The following NHS variants were observed in gnomAD, a reference collection of about 807,000 sequenced individuals.
NHS encodes NHS actin remodeling regulator.
Under a neutral mutation model 72.5 loss-of-function variants are expected in NHS, and 5 were observed. The observed-to-expected ratio is 0.07, with a 90% CI of 0.04 to 0.14. NHS has a LOEUF of 0.14. Ranked by LOEUF, NHS falls within the 10% of genes least tolerant of loss-of-function variation. The probability of loss-of-function intolerance (pLI) is 1.00; values close to 1 mark genes in which losing one functional copy is unlikely to be tolerated. For missense variants in NHS, 1,072 were observed against 1,355.7 expected (o/e 0.79, Z 3.29); for synonymous variants, 464 against 547.7 (o/e 0.85, Z 2.13).
chrX:17,480,782 T>G, intron 1 of NHS, among the ~76,000 whole-genome samples: 1 of 112,157 alleles, frequency 8.9e-6, no homozygotes, highest in South Asian at 3.7e-4. Flanking sequence ...AGAAAAAAGA[T>G]AATGCATACC....
rs2065429538 is a variant in NHS at position 17,564,134 on chromosome X, C to T, written c.566-123608C>T. 2.7e-5 allele frequency among the ~76,000 whole-genome samples: 3 copies of T among 111,969 alleles called. No homozygotes were observed. In the Admixed American group the frequency reaches 2.8e-4, roughly 11 times the overall value. Reference sequence around the variant, plus strand: ...TAATGAATACAATTTTAGAAGTAGACAGACCCGAAACAGCAATTGTGCTGT... The same window carrying T: ...TAATGAATACAATTTTAGAAGTAGATAGACCCGAAACAGCAATTGTGCTGT... On this transcript the variant is annotated intron_variant, in intron 1 of 8. Transcript: ENST00000676302.
rs943631379 is a variant in NHS at position 17,660,736 on chromosome X, G to A, written c.566-27006G>A. The stretch of plus-strand genomic sequence containing the variant: ...AGGGTGCAAAGGCAGGAGCTTCCAG[G>A]TTTTCTTAGGTTGGGCCTGTGTCTT... On this transcript the variant is annotated intron_variant, in intron 1 of 8. Transcript: ENST00000676302. Among the ~76,000 whole-genome samples the A allele has an allele frequency of 4.5e-5, 5 of 112,120 alleles. No homozygotes were observed. In the East Asian group the frequency reaches 1.4e-3, roughly 32 times the overall value.
chrX:17,632,388 T>G (rs185167573), intron 1 of NHS, among the ~76,000 whole-genome samples: 61 of 110,718 alleles, frequency 5.5e-4, no homozygotes, highest in Admixed American at 5.3e-3. Context: ...CAGTTTTTTT[T>G]TTTTAGAAAA....
chrX:17,442,395 T>A (rs962287389), intron 1 of NHS, among the ~76,000 whole-genome samples: 1 of 111,505 alleles, frequency 9.0e-6, no homozygotes, highest in Non-Finnish European at 1.9e-5. Flanking sequence ...ATTTGGCAGG[T>A]TTTTATGGGT....
At chrX:17,682,084 T>C (rs751695600) in intron 1 of NHS, among the ~76,000 whole-genome samples, 12 of 110,652 alleles carry the variant, frequency 1.1e-4, no homozygotes, top group South Asian at 3.9e-4. Context: ...CCTTGTACTT[T>C]ACCCTGTTCC....
Position 17,500,956 on chromosome X carries a change from A to G in NHS, c.565+124634A>G, listed in dbSNP as rs751583686. ...AATAGTGTTGTGTAAATTGCCTGTC[A>G]TTGTAAATACTCAATAAGTGACATC... On this transcript the variant is annotated intron_variant, in intron 1 of 8. Coordinates refer to ENST00000676302, the MANE Select transcript of NHS (RefSeq NM_001291867.2). Among the ~76,000 whole-genome samples, 37 of 110,107 alleles carry G rather than the reference A, an allele frequency of 3.4e-4. 1 individual carries two copies. The highest frequency in any genetic ancestry group is 1.2e-3 in the African/African-American group (35 of 30,238).
chrX:17,595,990 C>T (rs2065622563), intron 1 of NHS, among the ~76,000 whole-genome samples: 1 of 110,770 alleles, frequency 9.0e-6, no homozygotes, highest in East Asian at 2.8e-4. Context: ...ATGTTCAGAG[C>T]CCTGGGCTGG....
chrX:17,407,029 C>T, intron 1 of NHS, among the ~76,000 whole-genome samples: 1 of 111,576 alleles, frequency 9.0e-6, no homozygotes, highest in Admixed American at 9.5e-5. Flanking sequence ...AATTCCCAAA[C>T]CTTCCATCCT....
At position 17,448,595 on chromosome X, in the gene NHS, T is replaced by C. The variant is rs138451839; in HGVS notation, c.565+72273T>C. On this transcript the variant is annotated intron_variant, in intron 1 of 8. Transcript: ENST00000676302. ...GGTGTGCACTCAGGGAGGGAGACATTTGAGTTCTCCAGACCTACTTAAGGC... is the reference window on the plus strand; with the variant it reads ...GGTGTGCACTCAGGGAGGGAGACATCTGAGTTCTCCAGACCTACTTAAGGC... 1.4e-3 allele frequency among the ~76,000 whole-genome samples: 152 copies of C among 111,690 alleles called. 1 individual carries two copies. The highest frequency in any genetic ancestry group is 4.6e-3 in the African/African-American group (143 of 30,766).
At chrX:17,662,636 C>T (rs772451698) in intron 1 of NHS, among the ~76,000 whole-genome samples, 1 of 111,979 alleles carries the variant, frequency 8.9e-6, no homozygotes, top group South Asian at 3.8e-4. Flanking sequence ...GGTGGTTCAG[C>T]GCTCTTATCT....
intron 1 of NHS, among the ~76,000 whole-genome samples, chrX:17,482,741 A>T (rs1180381924): frequency 8.9e-6 from 1 of 112,161 alleles, no homozygotes; most frequent in African/African-American, 3.2e-5. Context: ...CATAGTTAGG[A>T]TTTCTGGTGG....
intron 1 of NHS, among the ~76,000 whole-genome samples, chrX:17,672,379 C>T (rs1384102869): frequency 8.9e-6 from 1 of 112,257 alleles, no homozygotes; most frequent in Non-Finnish European, 1.9e-5. Context: ...TTCAATGGGC[C>T]AGGCTGGAAG....
Position 17,723,726 on chromosome X carries a change from G to GGTGTGTGTGTGTGTGTGTGT in NHS, c.1109-547_1109-528dup, listed in dbSNP as rs3222310. On this transcript the variant is annotated intron_variant, in intron 5 of 8. Coordinates refer to ENST00000676302, the MANE Select transcript of NHS (RefSeq NM_001291867.2). ...TGTTGAGTTTCCTCACAGCAAAAGAGGTGTGTGTGTGTGTGTGTGTGTGTG... is the reference window on the plus strand; with the variant it reads ...TGTTGAGTTTCCTCACAGCAAAAGAGGTGTGTGTGTGTGTGTGTGTGTGTGTGTGTGTGTGTGTGTGTGTG... Among the ~76,000 whole-genome samples the GGTGTGTGTGTGTGTGTGTGT allele has an allele frequency of 1.0e-3, 74 of 71,069 alleles. 1 individual carries two copies. The highest frequency in any genetic ancestry group is 4.1e-3 in the East Asian group (8 of 1,968). The allele number at this position is 71,069 out of a possible 115,157, so 61.7% of individuals were successfully genotyped here.
chrX:17,733,692 T>C lies in NHS; in HGVS notation c.*1228T>C, dbSNP rs1445117306. 3 of 112,303 alleles carry C rather than the reference T, an allele frequency of 2.7e-5. No individual in the cohort carries two copies. Among genetic ancestry groups the C allele is most frequent in the Non-Finnish European group, 5.6e-5 (3 of 53,218 alleles). The allele number at this position is 112,303 out of a possible 1,213,427, so 9.3% of individuals were successfully genotyped here. Reference sequence around the variant, plus strand: ...AGAAATGACACTGTGAACAATGTAGTTGGAAAATAGGTATGTGTATATGCA... The same window carrying C: ...AGAAATGACACTGTGAACAATGTAGCTGGAAAATAGGTATGTGTATATGCA... On this transcript the variant is annotated 3_prime_UTR_variant, in exon 9 of 9. Coordinates refer to ENST00000676302, the MANE Select transcript of NHS (RefSeq NM_001291867.2).
chrX:17,546,489 T>A (rs997030878), intron 1 of NHS, among the ~76,000 whole-genome samples: 1 of 112,413 alleles, frequency 8.9e-6, no homozygotes, highest in African/African-American at 3.2e-5. Flanking sequence ...GCAACCACAG[T>A]GGAGCTTCAA....
chrX:17,557,343 A>ATG (rs1050913685), intron 1 of NHS: 2 of 106,722 alleles, frequency 1.9e-5, no homozygotes, highest in African/African-American at 6.9e-5. Flanking sequence ...ATATATATAT[A>ATG]TATATCTTGC....
At chrX:17,400,653 T>C (rs982577052) in intron 1 of NHS, among the ~76,000 whole-genome samples, 1 of 109,888 alleles carries the variant, frequency 9.1e-6, no homozygotes, top group African/African-American at 3.3e-5. Flanking sequence ...TCAAAAATAA[T>C]AAGATATTTA....
At chrX:17,478,311 G>T (rs2064930307) in intron 1 of NHS, among the ~76,000 whole-genome samples, 1 of 111,511 alleles carries the variant, frequency 9.0e-6, no homozygotes. Flanking sequence ...AGTGACCAAG[G>T]GATTTTCCCA....
intron 1 of NHS, among the ~76,000 whole-genome samples, chrX:17,541,767 A>AACC (rs1556004605): frequency 1.4e-4 from 9 of 62,902 alleles, no homozygotes; most frequent in Non-Finnish European, 2.5e-4. Context: ...TGAGTTTGCG[A>AACC]ACACACACAC....
Sources: allele counts gnomAD v4.1 joint callset (sites outside exome capture counted in the v4.1 genomes callset), GRCh38; gene constraint gnomAD v4.1.1; transcripts MANE v1.5; gene names NCBI Gene and HGNC (gene_info 2026-07-23, HGNC 2026-07-21).